Variants in ENKD1 observed in about 807,000 individuals in gnomAD.
ENKD1 encodes enkurin domain-containing protein 1.
A neutral mutation model predicts 35.8 loss-of-function variants in ENKD1; 39 were observed. The observed-to-expected ratio is 1.09, with a 90% CI of 0.84 to 1.42. The LOEUF is 1.42. ENKD1 is among the 40% of genes most tolerant of loss of function. The pLI is 0.00. For synonymous variants in ENKD1, 205 were observed against 198.6 expected, an observed-to-expected ratio of 1.03 and a Z score of -0.27; for missense variants, 474 against 471.3, an observed-to-expected ratio of 1.01 and a Z score of -0.05.
Position 67,663,070 on chromosome 16 carries a change from C to G in ENKD1, c.*91G>C. On this transcript the variant is annotated 3_prime_UTR_variant, in exon 7 of 7. Coordinates refer to ENST00000243878, the MANE Select transcript of ENKD1 (RefSeq NM_032140.3). Reference sequence around the variant, plus strand: ...CCACCCCCCTGCTCCTGTCTTCAGACCTCTGCTCTGGGATTGGGTCCAACC... The same window carrying G: ...CCACCCCCCTGCTCCTGTCTTCAGAGCTCTGCTCTGGGATTGGGTCCAACC... The G allele has an allele frequency of 6.6e-7, 1 of 1,504,610 alleles. No individual in the cohort carries two copies. The highest frequency in any genetic ancestry group is 2.4e-5 in the East Asian group (1 of 42,316). 93.2% of individuals were successfully genotyped at this position (1,504,610 alleles called of 1,614,324 possible). A position where few individuals can be genotyped will look rare whatever the true frequency, so the allele number is the denominator to read the frequency against.
rs573203644 is a variant in ENKD1, at chr16:67,665,197, C to T, written c.281-29G>A. ...GAGAAAAGATGCCCCCAGGTTCTGCCCTACATGGGGCCCACACAGTCCAAC... is the reference window on the plus strand; with the variant it reads ...GAGAAAAGATGCCCCCAGGTTCTGCTCTACATGGGGCCCACACAGTCCAAC... On this transcript the variant is annotated intron_variant, in intron 2 of 6. Coordinates refer to ENST00000243878, the MANE Select transcript of ENKD1 (RefSeq NM_032140.3). The T allele has an allele frequency of 1.4e-5, 23 of 1,597,892 alleles. No individual in the cohort carries two copies. The East Asian group carries it at 4.0e-4, about 28-fold the overall frequency.
Position 67,666,449 on chromosome 16 carries a change from GGC to G in ENKD1, c.-9_-8del. Reference sequence around the variant, plus strand: ...GGGACGGGCCCTCGCACATGCCGCCGGCGCCGCCCAGCAACGGTGCCCCGAGG... The same window carrying G: ...GGGACGGGCCCTCGCACATGCCGCCGGCCGCCCAGCAACGGTGCCCCGAGG... On this transcript the variant is annotated 5_prime_UTR_variant, in exon 1 of 7. Transcript: ENST00000243878. 2.0e-6 allele frequency: 3 copies of G among 1,505,978 alleles called. No individual in the cohort carries two copies. Among genetic ancestry groups the G allele is most frequent in the Non-Finnish European group, 2.6e-6 (3 of 1,134,586 alleles). The allele number at this position is 1,505,978 out of a possible 1,614,324, so 93.3% of individuals were successfully genotyped here.
intron 2 of ENKD1, 123 bp from the exon 3 acceptor site, chr16:67,665,291 C>G: frequency 1.0e-6 from 1 of 990,724 alleles, no homozygotes; most frequent in Non-Finnish European, 1.5e-6. Flanking sequence ...TCTCCAACTA[C>G]CTTAGACCCT....
chr16:67,663,294 A>G lies in ENKD1; in HGVS notation c.908T>C (p.Val303Ala). Residue 303 changes from valine to alanine, a missense_variant, in exon 7 of 7, where the codon GTA becomes GCA. Val to Ala is a moderately conservative substitution (Grantham distance 64, BLOSUM62 0). Coordinates refer to ENST00000243878, the MANE Select transcript of ENKD1 (RefSeq NM_032140.3). ...TGAGTCTGCCCCAGCAGGCAGCAGT[A>G]CCAGCTCACGCAGCAGCTGGCTCTG... is the stretch of plus-strand genomic sequence containing the variant. ...QSQSQLLRELVLLPAGADSLR... is the reference protein window; with the variant it reads ...QSQSQLLRELALLPAGADSLR... The G allele has an allele frequency of 2.5e-6, 4 of 1,613,678 alleles. No individual in the cohort carries two copies. The highest frequency in any genetic ancestry group is 3.4e-6 in the Non-Finnish European group (4 of 1,180,024).
At position 67,663,733 on chromosome 16, in the gene ENKD1, G is replaced by T; in HGVS notation, c.667C>A (p.Leu223Met). ...PRRHSCSLQVLAQVLEQQRQA... is the reference protein window; with the variant it reads ...PRRHSCSLQVMAQVLEQQRQA... The stretch of plus-strand genomic sequence containing the variant: ...CGCTGCTGCTCTAGCACTTGTGCCA[G>T]GACCTGCAGTGAGCAGGAATGCCTC... The change falls in exon 5 of 7, where the codon CTG (leucine) becomes ATG (methionine). Residue 223 changes from leucine to methionine, a missense_variant. By Grantham distance (15) the Leu-to-Met change is conservative (BLOSUM62 2). Transcript: ENST00000243878. 1.2e-6 allele frequency: 2 copies of T among 1,612,748 alleles called. No homozygotes were observed. The highest frequency in any genetic ancestry group is 8.5e-7 in the Non-Finnish European group (1 of 1,179,462).
rs1255439289 is a variant in ENKD1 at position 67,666,532 on chromosome 16, T to C, written c.-90A>G. On this transcript the variant is annotated 5_prime_UTR_variant, in exon 1 of 7. Transcript: ENST00000243878. ...CCCCCTTCCCCAACCCCGGGCCCCC[T>C]CCCTCGCCCGGCACCCTGACCCTGG... 4.2e-6 allele frequency: 5 copies of C among 1,190,620 alleles called. No homozygotes were observed. Among genetic ancestry groups the C allele is most frequent in the Admixed American group, 3.9e-5 (1 of 25,796 alleles). The allele number at this position is 1,190,620 out of a possible 1,614,324, so 73.8% of individuals were successfully genotyped here.
In ENKD1 at chr16:67,666,635, C is replaced by G. The variant is rs2053108074; in HGVS notation, c.-193G>C. 1.9e-6 allele frequency: 1 copy of G among 537,384 alleles called. No individual in the cohort carries two copies. Among genetic ancestry groups the G allele is most frequent in the African/African-American group, 2.0e-5 (1 of 49,512 alleles). 33.3% of individuals were successfully genotyped at this position (537,384 alleles called of 1,614,324 possible). ...CTCGCCACCTCCGCGACCTCTGCTC[C>G]CAGCCCACTTCTCGGTCCCGCTCGC... On this transcript the variant is annotated 5_prime_UTR_variant, in exon 1 of 7. Coordinates refer to ENST00000243878, the MANE Select transcript of ENKD1 (RefSeq NM_032140.3).
intron 3 of ENKD1, 154 bp from the exon 4 acceptor site, chr16:67,664,216 ATG>A: frequency 1.4e-6 from 1 of 720,782 alleles, no homozygotes; most frequent in East Asian, 2.7e-5. Flanking sequence ...CAGCACACAA[ATG>A]TGTGAGTATG....
At position 67,663,489 on chromosome 16, in the gene ENKD1, C is replaced by T; in HGVS notation, c.811G>A (p.Ala271Thr). 4 of 1,612,752 alleles carry T rather than the reference C, an allele frequency of 2.5e-6. No individual in the cohort carries two copies. Among genetic ancestry groups the T allele is most frequent in the Non-Finnish European group, 3.4e-6 (4 of 1,179,868 alleles). Residue 271 changes from alanine to threonine, a missense_variant, in exon 6 of 7, where the codon GCC (alanine) becomes ACC (threonine). Coordinates refer to ENST00000243878, the MANE Select transcript of ENKD1 (RefSeq NM_032140.3). Reference sequence around the variant, plus strand: ...ATGCGCGTGTGGCCTGGGGGCATGGCAGGGTCCGGCTGGCTCTGCTTGCGG... The same window carrying T: ...ATGCGCGTGTGGCCTGGGGGCATGGTAGGGTCCGGCTGGCTCTGCTTGCGG... Reference protein sequence around the residue: ...EARKQSQPDPAMPPGHTRMPE... With the variant: ...EARKQSQPDPTMPPGHTRMPE...
chr16:67,666,402 G>A lies in ENKD1; in HGVS notation c.41C>T (p.Pro14Leu), dbSNP rs764306657. 6 of 1,561,448 alleles carry A rather than the reference G, an allele frequency of 3.8e-6. No homozygotes were observed. Among genetic ancestry groups the A allele is most frequent in the Non-Finnish European group, 5.2e-6 (6 of 1,161,988 alleles). ...GTTGTCAGGACAGAGCGTCGGGTCTGGGGGGATGGGCCCCGAGATGCGGGA... is the reference window on the plus strand; with the variant it reads ...GTTGTCAGGACAGAGCGTCGGGTCTAGGGGGATGGGCCCCGAGATGCGGGA... ...GPSRISGPIP[P>L]DPTLCPDNYR... Residue 14 changes from proline (P) to leucine (L), a missense_variant, in exon 1 of 7, where the codon CCA (proline) becomes CTA (leucine). Coordinates refer to ENST00000243878, the MANE Select transcript of ENKD1 (RefSeq NM_032140.3).
rs1218820821 is a variant in ENKD1, at chr16:67,664,996, C to G, written c.453G>C (p.Gln151His). 6 of 1,597,082 alleles carry G rather than the reference C, an allele frequency of 3.8e-6. No homozygotes were observed. Among genetic ancestry groups the G allele is most frequent in the East Asian group, 4.5e-5 (2 of 44,532 alleles). ...ACTTCTGGCTCCCTGAAGCAGGTAC[C>G]TGGAGCTGGGCCTTGACCCGGGACT... Reference protein sequence around the residue: ...KVESRVKAQLQEPGPASGTES... With the variant: ...KVESRVKAQLHEPGPASGTES... Residue 151 changes from glutamine to histidine, a missense_variant and splice_region_variant, in exon 3 of 7, where the codon CAG becomes CAC. Coordinates refer to ENST00000243878, the MANE Select transcript of ENKD1 (RefSeq NM_032140.3).
intron 2 of ENKD1, among the ~76,000 whole-genome samples, 199 bp downstream of exon 2, chr16:67,665,872 C>G (rs1597783275): frequency 6.6e-6 from 1 of 152,224 alleles, no homozygotes; most frequent in African/African-American, 2.4e-5. Flanking sequence ...TAAAGCAGAG[C>G]TAGGGCTTCG....
chr16:67,663,326 A>AG lies in ENKD1; in HGVS notation c.881-6dup, dbSNP rs765068187. On this transcript the variant is annotated splice_region_variant and splice_polypyrimidine_tract_variant and intron_variant, in intron 6 of 6. Transcript: ENST00000243878. ...CACGCAGCAGCTGGCTCTGGCCTAC[A>AG]GGGGGCCCGGGAACAGTGAGAACAG... 1 of 1,613,392 alleles carries AG rather than the reference A, an allele frequency of 6.2e-7. No homozygotes were observed. Among genetic ancestry groups the AG allele is most frequent in the Admixed American group, 1.7e-5 (1 of 60,038 alleles).
In ENKD1 at chr16:67,664,061, T is replaced by C; in HGVS notation, c.455A>G (p.Glu152Gly). ...VESRVKAQLQ[E>G]PGPASGTESA... Reference sequence around the variant, plus strand: ...CTCTGTCCCAGAGGCAGGGCCAGGCTCCTGGAGGGCAGGGCACAGCAGAGA... The same window carrying C: ...CTCTGTCCCAGAGGCAGGGCCAGGCCCCTGGAGGGCAGGGCACAGCAGAGA... Residue 152 changes from glutamate to glycine, a missense_variant and splice_region_variant, in exon 4 of 7, where the codon GAG (glutamate) becomes GGG (glycine). Coordinates refer to ENST00000243878, the MANE Select transcript of ENKD1 (RefSeq NM_032140.3). The C allele has an allele frequency of 6.4e-7, 1 of 1,555,754 alleles. No individual in the cohort carries two copies. The highest frequency in any genetic ancestry group is 8.7e-7 in the Non-Finnish European group (1 of 1,149,510).
rs763121148 is a variant in ENKD1, at chr16:67,663,732, A to G, written c.668T>C (p.Leu223Pro). ...CCGCTGCTGCTCTAGCACTTGTGCC[A>G]GGACCTGCAGTGAGCAGGAATGCCT... ...PRRHSCSLQV[L>P]AQVLEQQRQA... Residue 223 changes from leucine to proline, a missense_variant, in exon 5 of 7, where the codon CTG becomes CCG. Physicochemically the swap from Leu to Pro is moderately conservative, Grantham distance 98 (BLOSUM62 -3). Transcript: ENST00000243878. 1 of 1,612,758 alleles carries G rather than the reference A, an allele frequency of 6.2e-7. No individual in the cohort carries two copies. The highest frequency in any genetic ancestry group is 8.5e-7 in the Non-Finnish European group (1 of 1,179,474).
chr16:67,666,089 G>C lies in ENKD1; in HGVS notation c.262C>G (p.Pro88Ala). Residue 88 changes from proline to alanine, a missense_variant, in exon 2 of 7, where the codon CCT (proline) becomes GCT (alanine). Physicochemically the swap from Pro to Ala is conservative, Grantham distance 27. Coordinates refer to ENST00000243878, the MANE Select transcript of ENKD1 (RefSeq NM_032140.3). Reference protein sequence around the residue: ...LLQLEGISLGPGASLKRKDPK... With the variant: ...LLQLEGISLGAGASLKRKDPK... ...GACTTACTCTTGAGAGAGGCCCCAG[G>C]ACCTAGGGAGATCCCCTCGAGTTGC... is the stretch of plus-strand genomic sequence containing the variant. 2 of 1,612,772 alleles carry C rather than the reference G, an allele frequency of 1.2e-6. No individual in the cohort carries two copies. The highest frequency in any genetic ancestry group is 1.7e-6 in the Non-Finnish European group (2 of 1,179,952).
Position 67,663,465 on chromosome 16 carries a change from T to C in ENKD1, c.835A>G (p.Met279Val), listed in dbSNP as rs1033532423. The change falls in exon 6 of 7, where the codon ATG becomes GTG. Residue 279 changes from methionine to valine, a missense_variant. Physicochemically the swap from Met to Val is conservative, Grantham distance 21 (BLOSUM62 1). Transcript: ENST00000243878. ...DPAMPPGHTR[M>V]PENQRLETLT... ...GTTTCCAGCCGCTGGTTCTCAGGCA[T>C]GCGCGTGTGGCCTGGGGGCATGGCA... The C allele has an allele frequency of 1.9e-6, 3 of 1,613,302 alleles. No individual in the cohort carries two copies. The highest frequency in any genetic ancestry group is 1.7e-5 in the Admixed American group (1 of 60,022).
chr16:67,664,164 C>A, intron 3 of ENKD1, 102 bp from the exon 4 acceptor site: 1 of 1,001,178 alleles, frequency 1.0e-6, no homozygotes, highest in Non-Finnish European at 1.5e-6. Context: ...GCATCCATGT[C>A]CCTCGGGCCC....
Position 67,666,396 on chromosome 16 carries a change from G to A in ENKD1, c.47C>T (p.Pro16Leu), listed in dbSNP as rs1358332234. The A allele has an allele frequency of 2.6e-6, 4 of 1,564,972 alleles. No individual in the cohort carries two copies. The South Asian group carries it at 4.6e-5, about 18-fold the overall frequency. Reference protein sequence around the residue: ...SRISGPIPPDPTLCPDNYRRP... With the variant: ...SRISGPIPPDLTLCPDNYRRP... ...CCTGTAGTTGTCAGGACAGAGCGTC[G>A]GGTCTGGGGGGATGGGCCCCGAGAT... The change falls in exon 1 of 7, where the codon CCG becomes CTG. Residue 16 changes from proline (P) to leucine (L), a missense_variant. Physicochemically the swap from Pro to Leu is moderately conservative, Grantham distance 98. Coordinates refer to ENST00000243878, the MANE Select transcript of ENKD1 (RefSeq NM_032140.3).
Sources: allele counts gnomAD v4.1 joint callset (sites outside exome capture counted in the v4.1 genomes callset), GRCh38; gene constraint gnomAD v4.1.1; transcripts MANE v1.5; gene names NCBI Gene and HGNC (gene_info 2026-07-23, HGNC 2026-07-21).